Variants in KCNIP1 observed in about 807,000 individuals in gnomAD.
KCNIP1 encodes potassium voltage-gated channel interacting protein 1.
In KCNIP1, 18 loss-of-function variants were observed where a neutral mutation model predicts 33.0. The ratio of observed to expected loss-of-function variants is 0.55; its 90% CI spans 0.38 to 0.81. The LOEUF (loss-of-function observed/expected upper bound fraction) is 0.81, where lower values mean the gene tolerates loss of function less well. Ranked by LOEUF, KCNIP1 falls within the 30% of genes least tolerant of loss-of-function variation. The pLI is 0.00. For missense variants in KCNIP1, 238 were observed against 271.6 expected (o/e 0.88, Z 0.87); for synonymous variants, 93 against 98.3 (o/e 0.95, Z 0.32).
upstream of KCNIP1, among the ~76,000 whole-genome samples, chr5:170,500,737 C>T (rs559914253): frequency 1.4e-4 from 22 of 152,180 alleles, no homozygotes; most frequent in East Asian, 2.1e-3. Context: ...TGGGCACGTG[C>T]GTATGTGTGT....
At chr5:170,397,512 G>A (rs376407141) in intron 1 of KCNIP1, among the ~76,000 whole-genome samples, 1 of 152,048 alleles carries the variant, frequency 6.6e-6, no homozygotes, top group East Asian at 1.9e-4. Flanking sequence ...AAATCCCCCA[G>A]AAATATTTGT....
intron 1 of KCNIP1, among the ~76,000 whole-genome samples, chr5:170,614,436 A>G (rs1682570113): frequency 6.6e-6 from 1 of 152,168 alleles, no homozygotes; most frequent in Admixed American, 6.5e-5. Flanking sequence ...CAGTGATCTC[A>G]ACTTCATTTT....
intron 1 of KCNIP1, among the ~76,000 whole-genome samples, chr5:170,584,609 G>A (rs760929063): frequency 1.6e-4 from 24 of 152,192 alleles, no homozygotes; most frequent in Non-Finnish European, 2.2e-4. Flanking sequence ...GAGTCTGCAC[G>A]AGGCGTGGAG....
At chr5:170,555,804 G>T (rs1490787817) in intron 1 of KCNIP1, among the ~76,000 whole-genome samples, 1 of 152,230 alleles carries the variant, frequency 6.6e-6, no homozygotes, top group East Asian at 1.9e-4. Flanking sequence ...AACCGAGGCA[G>T]CCTCGGGAAT....
intron 1 of KCNIP1, among the ~76,000 whole-genome samples, chr5:170,646,040 TCGCACAAGA>T (rs1486562665): frequency 6.6e-6 from 1 of 152,168 alleles, no homozygotes; most frequent in African/African-American, 2.4e-5. Context: ...CTGCCAAAAT[TCGCACAAGA>T]AGAAATAGAT....
chr5:170,628,024 C>T (rs1357742570), intron 1 of KCNIP1, among the ~76,000 whole-genome samples: 1 of 152,218 alleles, frequency 6.6e-6, no homozygotes, highest in African/African-American at 2.4e-5. Flanking sequence ...GCCTGGACCC[C>T]TCTTCCTTCT....
intron 1 of KCNIP1, among the ~76,000 whole-genome samples, chr5:170,544,746 A>G (rs1007836319): frequency 1.3e-5 from 2 of 151,958 alleles, no homozygotes; most frequent in Non-Finnish European, 2.9e-5. Flanking sequence ...GTTTTAATAT[A>G]TATATTTAGT....
intron 1 of KCNIP1, among the ~76,000 whole-genome samples, chr5:170,357,087 T>G (rs1763368222): frequency 6.6e-6 from 1 of 152,094 alleles, no homozygotes; most frequent in Non-Finnish European, 1.5e-5. Flanking sequence ...TTTTATTTGT[T>G]TTATTTACTG....
At chr5:170,670,106 A>C (rs1311282704) in intron 1 of KCNIP1, among the ~76,000 whole-genome samples, 1 of 152,218 alleles carries the variant, frequency 6.6e-6, no homozygotes, top group East Asian at 1.9e-4. Context: ...GCTGACAAAC[A>C]GTAAGTCAAA....
At chr5:170,385,238 G>A in intron 1 of KCNIP1, 1 of 1,524,196 alleles carries the variant, frequency 6.6e-7, no homozygotes, top group Non-Finnish European at 9.1e-7. Flanking sequence ...GGGGTGAGTA[G>A]AAGGCCAGGG....
chr5:170,520,991 T>C (rs1004211464), intron 1 of KCNIP1, among the ~76,000 whole-genome samples: 5 of 152,232 alleles, frequency 3.3e-5, no homozygotes, highest in Admixed American at 6.5e-5. Context: ...TGGGGCTTAA[T>C]TGAGAAGGTA....
intron 1 of KCNIP1, among the ~76,000 whole-genome samples, chr5:170,585,229 C>T (rs1368675790): frequency 1.3e-5 from 2 of 152,164 alleles, no homozygotes; most frequent in Non-Finnish European, 2.9e-5. Flanking sequence ...TATAAAATGT[C>T]ACAGGTAGCA....
At chr5:170,455,151 G>A (rs566824155) in intron 1 of KCNIP1, among the ~76,000 whole-genome samples, 24 of 152,156 alleles carry the variant, frequency 1.6e-4, no homozygotes, top group East Asian at 3.9e-4. Flanking sequence ...TTTCAATAAT[G>A]GATAGAACAA....
intron 1 of KCNIP1, among the ~76,000 whole-genome samples, chr5:170,434,180 G>T (rs921436485): frequency 1.3e-5 from 2 of 152,100 alleles, no homozygotes; most frequent in Non-Finnish European, 2.9e-5. Context: ...TCTATAACAT[G>T]GGAATAATAT....
intron 1 of KCNIP1, among the ~76,000 whole-genome samples, chr5:170,672,848 C>T (rs868553308): frequency 1.3e-5 from 2 of 152,256 alleles, no homozygotes; most frequent in Non-Finnish European, 2.9e-5. Context: ...AATCTGTGAT[C>T]TTTGCCTAGG....
chr5:170,388,823 G>A (rs1437036139), intron 1 of KCNIP1, among the ~76,000 whole-genome samples: 1 of 152,218 alleles, frequency 6.6e-6, no homozygotes, highest in African/African-American at 2.4e-5. Context: ...GCCATATTGA[G>A]TATCAGACAT....
rs142222453 is a variant in KCNIP1, at chr5:170,462,556, A to G, written c.88+108592A>G. Among the ~76,000 whole-genome samples, 312 of 152,302 alleles carry G rather than the reference A, an allele frequency of 2.0e-3. 1 individual carries two copies. The highest frequency in any genetic ancestry group is 7.0e-3 in the African/African-American group (290 of 41,570). ...AAAATGTAAAACTAGTACAACCACT[A>G]TGGAAAACAGTGTGGAGATTCCTTA... On this transcript the variant is annotated intron_variant, in intron 1 of 7. Transcript: ENST00000377360.
chr5:170,554,050 T>G (rs1247450512), intron 1 of KCNIP1, among the ~76,000 whole-genome samples: 1 of 152,232 alleles, frequency 6.6e-6, no homozygotes, highest in Non-Finnish European at 1.5e-5. Flanking sequence ...CAGCTCCCGT[T>G]GGTCATGCCT....
Position 170,713,357 on chromosome 5 carries a change from T to A in KCNIP1, c.62-5401T>A, listed in dbSNP as rs79707539. Among the ~76,000 whole-genome samples, 48 of 152,330 alleles carry A rather than the reference T, an allele frequency of 3.2e-4. No homozygotes were observed. In the East Asian group the frequency reaches 9.1e-3, roughly 29 times the overall value. ...AATAAACAGTGAGGAGTAGGCTATG[T>A]GGTTTGTAGGTGGGAGGGTAAGTAG... On this transcript the variant is annotated intron_variant, in intron 1 of 7. Transcript: ENST00000328939.
Sources: allele counts gnomAD v4.1 joint callset (sites outside exome capture counted in the v4.1 genomes callset), GRCh38; gene constraint gnomAD v4.1.1; transcripts MANE v1.5; gene names NCBI Gene and HGNC (gene_info 2026-07-23, HGNC 2026-07-21).